NIPBL: variants seen among roughly 807,000 people sequenced by gnomAD.
The protein encoded by NIPBL is nipped-B-like protein.
A neutral mutation model predicts 321.8 loss-of-function variants in NIPBL; 19 were observed. That is an observed-to-expected ratio of 0.06 (90% confidence interval 0.04 to 0.09). The LOEUF is 0.09. NIPBL is among the 10% of genes least tolerant of loss of function. The probability of loss-of-function intolerance (pLI) is 1.00; values close to 1 mark genes in which losing one functional copy is unlikely to be tolerated. For synonymous variants in NIPBL, 1,106 were observed against 1,114.1 expected, an observed-to-expected ratio of 0.99 and a Z score of 0.14; for missense variants, 2,210 against 3,327.0, an observed-to-expected ratio of 0.66 and a Z score of 8.26.
intron 32 of NIPBL, among the ~76,000 whole-genome samples, chr5:37,034,481 C>T (rs1311603379): frequency 6.6e-6 from 1 of 152,004 alleles, no homozygotes; most frequent in Non-Finnish European, 1.5e-5. Context: ...AACCTATCTA[C>T]AAAAGAGTGG....
intron 14 of NIPBL, 33 bp from the exon 15 acceptor site, chr5:37,002,629 C>T: frequency 7.3e-7 from 1 of 1,374,224 alleles, no homozygotes; most frequent in Non-Finnish European, 1.0e-6. Context: ...TTTACCTAAA[C>T]TTTGTTTGTG....
chr5:36,939,001 C>T (rs890643502), intron 1 of NIPBL, among the ~76,000 whole-genome samples: 7 of 151,994 alleles, frequency 4.6e-5, no homozygotes, highest in Admixed American at 1.3e-4. Flanking sequence ...ACCACACCTG[C>T]GCTCTTGTTG....
At position 36,958,418 on chromosome 5, in the gene NIPBL, T is replaced by G. The variant is rs183161513; in HGVS notation, c.358+187T>G. ...AATATGTAACTAAATTCCTTGAGAATTAGACAAAGCTTTAAGTGTATTTTG... is the reference window on the plus strand; with the variant it reads ...AATATGTAACTAAATTCCTTGAGAAGTAGACAAAGCTTTAAGTGTATTTTG... On this transcript the variant is annotated intron_variant, in intron 4 of 46. Transcript: ENST00000282516. 4.6e-5 allele frequency among the ~76,000 whole-genome samples: 7 copies of G among 152,336 alleles called. 1 individual carries two copies. In the East Asian group the frequency reaches 1.3e-3, roughly 29 times the overall value.
intron 23 of NIPBL, 88 bp from the exon 24 acceptor site, chr5:37,016,931 C>T: frequency 2.1e-6 from 2 of 941,660 alleles, no homozygotes; most frequent in South Asian, 2.1e-5. Flanking sequence ...TTAAATTATA[C>T]AATTTAGATT....
At position 36,976,268 on chromosome 5, in the gene NIPBL, A is replaced by G. The variant is rs752461981; in HGVS notation, c.1361A>G (p.Gln454Arg). The change falls in exon 9 of 47, where the codon CAG (glutamine) becomes CGG (arginine). Residue 454 changes from glutamine to arginine, a missense_variant. Around this residue, in one of 14 missense-constraint regions of NIPBL, gnomAD observed 464 missense variants for 529.5 expected, o/e 0.88. Transcript: ENST00000282516. ...AAACAACCCCAGACTTCTGTGGTAC[A>G]GAATCAACAACAGATATCACAACAG... The part of the protein sequence containing the change: ...AAKQPQTSVV[Q>R]NQQQISQQGP... 12 of 1,613,886 alleles carry G rather than the reference A, an allele frequency of 7.4e-6. No homozygotes were observed. Among genetic ancestry groups the G allele is most frequent in the Non-Finnish European group, 1.0e-5 (12 of 1,179,870 alleles).
intron 40 of NIPBL, 134 bp from the exon 41 acceptor site, chr5:37,051,645 C>G: frequency 1.5e-6 from 1 of 666,816 alleles, no homozygotes; most frequent in Non-Finnish European, 2.7e-6. Context: ...AAAAAGAACA[C>G]TAAAACATAG....
chr5:37,023,294 T>C (rs1006743104), intron 29 of NIPBL, among the ~76,000 whole-genome samples: 4 of 152,210 alleles, frequency 2.6e-5, no homozygotes, highest in Non-Finnish European at 5.9e-5. Flanking sequence ...AACTCTGATA[T>C]TTGTAACCCT....
Position 37,066,178 on chromosome 5 carries a change from T to C in NIPBL, c.*1286T>C, listed in dbSNP as rs1287925643. The C allele has an allele frequency of 6.6e-6, 1 of 152,208 alleles. No individual in the cohort carries two copies. The highest frequency in any genetic ancestry group is 6.5e-5 in the Admixed American group (1 of 15,288). The allele number at this position is 152,208 out of a possible 1,614,324, so 9.4% of individuals were successfully genotyped here. On this transcript the variant is annotated 3_prime_UTR_variant, in exon 47 of 47. Transcript: ENST00000282516. ...GAGGGAGGTGTTTAATCATTTGATA[T>C]GTATAGTTGACACTCAGGAATAGTA...
At chr5:36,997,418 G>C (rs1746254178) in intron 11 of NIPBL, among the ~76,000 whole-genome samples, 1 of 152,142 alleles carries the variant, frequency 6.6e-6, no homozygotes, top group African/African-American at 2.4e-5. Context: ...TAAAATAGTG[G>C]AGAGTAGAGC....
In NIPBL at chr5:37,003,258, T is replaced by C; in HGVS notation, c.3769-3T>C. Reference sequence around the variant, plus strand: ...TGATAAAGAATTTATATTGCTATTTTAGCTTTCAACTGACAAAACTGTGAA... The same window carrying C: ...TGATAAAGAATTTATATTGCTATTTCAGCTTTCAACTGACAAAACTGTGAA... On this transcript the variant is annotated splice_region_variant and splice_polypyrimidine_tract_variant and intron_variant, in intron 15 of 46. Transcript: ENST00000282516. 6.5e-7 allele frequency: 1 copy of C among 1,538,286 alleles called. No homozygotes were observed. Among genetic ancestry groups the C allele is most frequent in the Non-Finnish European group, 9.0e-7 (1 of 1,111,384 alleles).
chr5:36,992,773 C>T (rs778130706), intron 10 of NIPBL, among the ~76,000 whole-genome samples: 21 of 148,518 alleles, frequency 1.4e-4, no homozygotes, highest in Non-Finnish European at 2.5e-4. Context: ...GATGGAGTCT[C>T]GCTGTGTTGC....
intron 45 of NIPBL, among the ~76,000 whole-genome samples, chr5:37,061,793 A>G (rs1260368839): frequency 3.3e-5 from 5 of 152,210 alleles, no homozygotes; most frequent in African/African-American, 4.8e-5. Context: ...AATGCTATAT[A>G]CATAGTTGTT....
At chr5:36,971,832 T>A in intron 7 of NIPBL, 113 bp from the exon 8 acceptor site, 1 of 1,505,304 alleles carries the variant, frequency 6.6e-7, no homozygotes, top group Non-Finnish European at 8.9e-7. Context: ...ATTATGCTTT[T>A]GAATTCCAAC....
In NIPBL at chr5:36,931,788, T is replaced by G. The variant is rs1302272626; in HGVS notation, c.-79-21830T>G. Among the ~76,000 whole-genome samples, 10 of 34,924 alleles carry G rather than the reference T, an allele frequency of 2.9e-4. No individual in the cohort carries two copies. The African/African-American group carries it at 3.8e-3, about 13-fold the overall frequency. The allele number at this position is 34,924 out of a possible 152,430, so 22.9% of individuals were successfully genotyped here. A position where few individuals can be genotyped will look rare whatever the true frequency, so the allele number is the denominator to read the frequency against. Reference sequence around the variant, plus strand: ...TGAATTCATTCGTATGTCTCTGGTTTTTTTTTTTTTTGTTTATTTTTACTT... The same window carrying G: ...TGAATTCATTCGTATGTCTCTGGTTGTTTTTTTTTTTGTTTATTTTTACTT... On this transcript the variant is annotated intron_variant, in intron 1 of 46. Transcript: ENST00000282516.
chr5:36,973,041 A>C (rs1286404691), intron 8 of NIPBL, among the ~76,000 whole-genome samples: 1 of 152,172 alleles, frequency 6.6e-6, no homozygotes, highest in African/African-American at 2.4e-5. Context: ...CAGATTCACA[A>C]AATTGTGAAT....
rs536413119 is a variant in NIPBL, at chr5:37,002,267, A to T, written c.3665-395A>T. ...GGAGACCTTGTAAGCAAAGAGTAAG[A>T]GATATAAATACTTTGACCTTACACT... On this transcript the variant is annotated intron_variant, in intron 14 of 46. Transcript: ENST00000282516. Among the ~76,000 whole-genome samples, 314 of 152,266 alleles carry T rather than the reference A, an allele frequency of 2.1e-3. 2 individuals carry two copies. The highest frequency in any genetic ancestry group is 7.4e-3 in the African/African-American group (307 of 41,558).
chr5:37,038,904 T>G (rs1426879460), intron 34 of NIPBL, among the ~76,000 whole-genome samples, 166 bp downstream of exon 34: 1 of 152,184 alleles, frequency 6.6e-6, no homozygotes, highest in Non-Finnish European at 1.5e-5. Flanking sequence ...AAGTCTGACA[T>G]AAATAAAGTT....
chr5:36,975,841 C>T lies in NIPBL; in HGVS notation c.934C>T (p.Pro312Ser). The change falls in exon 9 of 47, where the codon CCA becomes TCA. Residue 312 changes from proline (P) to serine (S), a missense_variant. Pro to Ser is a moderately conservative substitution (Grantham distance 74, BLOSUM62 -1). This residue lies in a region of NIPBL where 464 missense variants were observed against 529.5 expected (regional missense o/e 0.88). Transcript: ENST00000282516. ...TTGTTCATCACCTCGAGATGTTCCA[C>T]CAGATATCTTGCTAGATTCTCCAGA... ...LPCSSPRDVP[P>S]DILLDSPERK... 1.2e-6 allele frequency: 2 copies of T among 1,612,848 alleles called. No individual in the cohort carries two copies. The highest frequency in any genetic ancestry group is 8.5e-7 in the Non-Finnish European group (1 of 1,179,536).
intron 24 of NIPBL, among the ~76,000 whole-genome samples, chr5:37,018,524 G>A (rs1749254255): frequency 6.6e-6 from 1 of 152,164 alleles, no homozygotes; most frequent in African/African-American, 2.4e-5. Context: ...CCTGGGATCA[G>A]TTGTTTCTCC....
Sources: allele counts gnomAD v4.1 joint callset (sites outside exome capture counted in the v4.1 genomes callset), GRCh38; gene constraint gnomAD v4.1.1; regional missense constraint gnomAD v4.1.1; transcripts MANE v1.5; gene names NCBI Gene and HGNC (gene_info 2026-07-23, HGNC 2026-07-21).